Variants in ZNF566 observed in about 807,000 individuals in gnomAD.
ZNF566 encodes zinc finger protein 566.
ZNF566 carries 27 observed loss-of-function variants against 32.8 expected under a neutral mutation model. The observed-to-expected ratio is 0.82, with a 90% CI of 0.61 to 1.14. ZNF566 has a LOEUF of 1.14. ZNF566 is among the 50% of genes most tolerant of loss of function. The probability of loss-of-function intolerance (pLI) is 0.00; values close to 1 mark genes in which losing one functional copy is unlikely to be tolerated. For synonymous variants in ZNF566, 154 were observed against 159.5 expected (o/e 0.97, Z 0.26); for missense variants, 402 against 490.4 (o/e 0.82, Z 1.70).
intron 2 of ZNF566, among the ~76,000 whole-genome samples, chr19:36,474,499 G>T (rs2033838605): frequency 6.6e-6 from 1 of 152,150 alleles, no homozygotes; most frequent in Non-Finnish European, 1.5e-5. Context: ...ATGGTGATAT[G>T]GTAACAGTCA....
chr19:36,467,152 T>G (rs2145673255), intron 4 of ZNF566, among the ~76,000 whole-genome samples: 1 of 151,122 alleles, frequency 6.6e-6, no homozygotes, highest in East Asian at 2.0e-4. Context: ...CTAAAGAATT[T>G]CAGCTGGGCA....
At position 36,449,238 on chromosome 19, in the gene ZNF566, G is replaced by A; in HGVS notation, c.996C>T (p.Ile332=). ...ATTCGTAAGGTTTCTCACCTGTATG[G>A]ATTCTTTGATGTTTAATAAGTTGTG... The part of the protein sequence containing the change: ...QSSQLIKHQR[I]HTGEKPYECK... The change falls in exon 5 of 5, where the codon ATC becomes ATT. Residue 332 remains isoleucine, a synonymous_variant. Coordinates refer to ENST00000452939, the MANE Select transcript of ZNF566 (RefSeq NM_001145344.1). 6.2e-7 allele frequency: 1 copy of A among 1,613,306 alleles called. No individual in the cohort carries two copies.
chr19:36,451,468 A>C (rs1254072751), intron 4 of ZNF566, among the ~76,000 whole-genome samples: 2 of 152,216 alleles, frequency 1.3e-5, no homozygotes, highest in African/African-American at 4.8e-5. Context: ...ACTGACTGGC[A>C]GAAAAGACAT....
chr19:36,473,480 T>C (rs1258293201), intron 2 of ZNF566, 22 bp from the exon 3 acceptor site: 3 of 1,523,018 alleles, frequency 2.0e-6, no homozygotes, highest in Admixed American at 2.3e-5. Flanking sequence ...ACCACGTATA[T>C]GACTTCATTA....
chr19:36,476,918 T>C (rs2033900778), intron 1 of ZNF566, among the ~76,000 whole-genome samples: 1 of 152,206 alleles, frequency 6.6e-6, no homozygotes. Context: ...TTACTTTACA[T>C]ATCTTGGAAT....
intron 4 of ZNF566, among the ~76,000 whole-genome samples, chr19:36,469,878 A>T (rs1347185031): frequency 6.6e-6 from 1 of 152,202 alleles, no homozygotes; most frequent in African/African-American, 2.4e-5. Flanking sequence ...TTGATTAGAA[A>T]GCAGCTTAAC....
intron 1 of ZNF566, among the ~76,000 whole-genome samples, chr19:36,486,606 G>A (rs1048911641): frequency 2.0e-5 from 3 of 150,364 alleles, no homozygotes; most frequent in African/African-American, 7.4e-5. Context: ...GGGAGGTGGA[G>A]GTTGCAGTGA....
intron 4 of ZNF566, among the ~76,000 whole-genome samples, chr19:36,455,971 C>T (rs2967443): frequency 0.27 from 38,821 of 145,032 alleles, 5,080 homozygotes; most frequent in South Asian, 0.38. Flanking sequence ...CCCGGGAGGC[C>T]GAGCTTGCAG....
chr19:36,453,108 A>C (rs1568510460), intron 4 of ZNF566, among the ~76,000 whole-genome samples: 1 of 150,272 alleles, frequency 6.7e-6, no homozygotes, highest in Non-Finnish European at 1.5e-5. Flanking sequence ...ACAGAGCAAG[A>C]CTCTGTCTCA....
intron 4 of ZNF566, among the ~76,000 whole-genome samples, chr19:36,470,770 C>A (rs2033742136): frequency 6.6e-6 from 1 of 151,974 alleles, no homozygotes; most frequent in Non-Finnish European, 1.5e-5. Context: ...ATTAGCTGGG[C>A]ATGGTGGCGG....
intron 4 of ZNF566, among the ~76,000 whole-genome samples, chr19:36,458,765 T>A (rs898802791): frequency 2.6e-5 from 4 of 152,230 alleles, no homozygotes; most frequent in African/African-American, 9.6e-5. Context: ...CTATGTGATG[T>A]GATAGATACA....
At chr19:36,480,567 G>A (rs2034002289) in intron 1 of ZNF566, among the ~76,000 whole-genome samples, 2 of 137,614 alleles carry the variant, frequency 1.5e-5, no homozygotes, top group Admixed American at 1.5e-4. Flanking sequence ...TTACAGGCGT[G>A]AGCCACCTTG....
chr19:36,474,260 CTA>C (rs1219877786), intron 2 of ZNF566, among the ~76,000 whole-genome samples: 1 of 152,242 alleles, frequency 6.6e-6, no homozygotes, highest in Admixed American at 6.5e-5. Flanking sequence ...AATCAAGTCT[CTA>C]TATCAAAAGG....
chr19:36,477,520 G>GTTTTTTTTTTTTTTTTTTTT (rs1568528944), intron 1 of ZNF566, among the ~76,000 whole-genome samples: 1 of 130,266 alleles, frequency 7.7e-6, no homozygotes, highest in African/African-American at 3.0e-5. Context: ...CCAGTTTTCT[G>GTTTTTTTTTTTTTTTTTTTT]TTTCTGTTTT....
chr19:36,477,794 G>A (rs909861213), intron 1 of ZNF566, among the ~76,000 whole-genome samples: 2 of 151,820 alleles, frequency 1.3e-5, no homozygotes, highest in East Asian at 1.9e-4. Context: ...GATTATAAGC[G>A]TGAGACACCA....
At chr19:36,483,891 GT>G (rs937836905) in intron 1 of ZNF566, among the ~76,000 whole-genome samples, 5 of 152,114 alleles carry the variant, frequency 3.3e-5, no homozygotes, top group East Asian at 1.9e-4. Context: ...CTGGTTACAA[GT>G]TCTTGTTTGC....
intron 4 of ZNF566, among the ~76,000 whole-genome samples, chr19:36,460,191 T>G (rs995320071): frequency 1.3e-5 from 2 of 151,924 alleles, no homozygotes; most frequent in African/African-American, 4.8e-5. Context: ...ACTCAACATA[T>G]GAAGAATGAA....
Position 36,473,378 on chromosome 19 carries a change from T to A in ZNF566, c.90A>T (p.Leu30Phe), listed in dbSNP as rs752987602. ...AATTCTCCAACATCACATCTCTGTATAAATCTCTCTGATCATCATTCAGGC... is the reference window on the plus strand; with the variant it reads ...AATTCTCCAACATCACATCTCTGTAAAAATCTCTCTGATCATCATTCAGGC... The part of the protein sequence containing the change: ...WECLNDDQRD[L>F]YRDVMLENYS... The change falls in exon 3 of 5, where the codon TTA becomes TTT. Residue 30 changes from leucine (L) to phenylalanine (F), a missense_variant. Leu to Phe is a conservative substitution (Grantham distance 22). This residue lies in a region of ZNF566 where 220 missense variants were observed against 241.9 expected (regional missense o/e 0.91). Transcript: ENST00000452939. The A allele has an allele frequency of 3.1e-6, 5 of 1,614,014 alleles. No individual in the cohort carries two copies. In the South Asian group the frequency reaches 4.4e-5, roughly 14 times the overall value.
In ZNF566 at chr19:36,453,509, T is replaced by TAAATA. The variant is rs1568510984; in HGVS notation, c.233-3509_233-3508insTATTT. Among the ~76,000 whole-genome samples, 968 of 97,002 alleles carry TAAATA rather than the reference T, an allele frequency of 1.0e-2. 12 individuals carry two copies. Among genetic ancestry groups the TAAATA allele is most frequent in the African/African-American group, 0.029 (741 of 25,232 alleles). 63.6% of individuals were successfully genotyped at this position (97,002 alleles called of 152,430 possible). A position where few individuals can be genotyped will look rare whatever the true frequency, so the allele number is the denominator to read the frequency against. On this transcript the variant is annotated intron_variant, in intron 4 of 4. Coordinates refer to ENST00000452939, the MANE Select transcript of ZNF566 (RefSeq NM_001145344.1). ...TAAATAAATAAATAAATAAATAAATTAATTAATTAAAATAAAATAAAAATA... is the reference window on the plus strand; with the variant it reads ...TAAATAAATAAATAAATAAATAAATTAAATAAATTAATTAAAATAAAATAAAAATA...
Sources: gnomAD v4.1 joint callset for allele counts (sites outside exome capture counted in the v4.1 genomes callset) on GRCh38, gnomAD v4.1.1 for gene constraint, gnomAD v4.1.1 regional missense constraint, MANE v1.5 for transcripts, NCBI Gene and HGNC (gene_info 2026-07-23, HGNC 2026-07-21) for gene names.